The following GAPVD1 variants were observed in gnomAD, a reference collection of about 807,000 sequenced individuals.
GAPVD1 encodes GTPase-activating protein and VPS9 domain-containing protein 1.
GAPVD1 carries 35 observed loss-of-function variants against 155.5 expected under a neutral mutation model. The observed-to-expected ratio is 0.23, with a 90% CI of 0.17 to 0.30. The LOEUF (loss-of-function observed/expected upper bound fraction) is 0.30. Ranked by LOEUF, GAPVD1 falls within the 10% of genes least tolerant of loss-of-function variation. GAPVD1 has a pLI of 1.00. For synonymous variants in GAPVD1, 636 were observed against 619.7 expected, an observed-to-expected ratio of 1.03 and a Z score of -0.39; for missense variants, 1,429 against 1,775.7, an observed-to-expected ratio of 0.80 and a Z score of 3.51.
At chr9:125,339,417 T>G (rs1490782772) in intron 17 of GAPVD1, among the ~76,000 whole-genome samples, 1 of 152,238 alleles carries the variant, frequency 6.6e-6, no homozygotes, top group Non-Finnish European at 1.5e-5. Flanking sequence ...GCTACTATTC[T>G]TTGAGCATAT....
In GAPVD1 at chr9:125,365,308, G is replaced by T. The variant is rs898522751; in HGVS notation, c.*2562G>T. The T allele has an allele frequency of 5.6e-5, 8 of 143,364 alleles. No individual in the cohort carries two copies. The South Asian group carries it at 1.8e-3, about 32-fold the overall frequency. The allele number at this position is 143,364 out of a possible 1,614,324, so 8.9% of individuals were successfully genotyped here. ...TTTCTTGACAGGTATGTGAGATGGG[G>T]AGTGATTTGATTTTTTTTTTTTTTT... On this transcript the variant is annotated 3_prime_UTR_variant, in exon 28 of 28. Coordinates refer to ENST00000297933, the MANE Select transcript of GAPVD1 (RefSeq NM_001282680.3).
At chr9:125,314,608 C>T (rs970374744) in intron 9 of GAPVD1, among the ~76,000 whole-genome samples, 16 of 151,726 alleles carry the variant, frequency 1.1e-4, no homozygotes, top group African/African-American at 3.1e-4. Context: ...GAGCTGAGAT[C>T]GCCCCATTGC....
chr9:125,350,476 G>C, intron 22 of GAPVD1, 72 bp downstream of exon 22: 1 of 948,248 alleles, frequency 1.1e-6, no homozygotes. Flanking sequence ...CCAGTATTCA[G>C]CTGTTGAAGC....
chr9:125,332,247 A>G (rs1002396851), intron 14 of GAPVD1, among the ~76,000 whole-genome samples, 187 bp downstream of exon 14: 2 of 152,222 alleles, frequency 1.3e-5, no homozygotes, highest in Admixed American at 6.5e-5. Context: ...AGCCTGTTGA[A>G]GTAATTGGCA....
chr9:125,285,409 A>C (rs1837486166), intron 2 of GAPVD1, among the ~76,000 whole-genome samples: 1 of 151,660 alleles, frequency 6.6e-6, no homozygotes, highest in South Asian at 2.1e-4. Context: ...AACTTCTCAA[A>C]ATCTGATTAA....
intron 18 of GAPVD1, chr9:125,341,703 T>G (rs909203265): frequency 7.6e-5 from 12 of 156,936 alleles, no homozygotes; most frequent in African/African-American, 2.9e-4. Flanking sequence ...CAGTGAGTGT[T>G]TATTTTGGAA....
intron 20 of GAPVD1, among the ~76,000 whole-genome samples, chr9:125,348,278 C>T (rs867482598): frequency 2.0e-5 from 3 of 151,734 alleles, no homozygotes; most frequent in Non-Finnish European, 2.9e-5. Flanking sequence ...GCTGGTCTCT[C>T]CCTATATTTT....
intron 15 of GAPVD1, among the ~76,000 whole-genome samples, chr9:125,334,001 G>A (rs974433071): frequency 1.3e-5 from 2 of 152,104 alleles, no homozygotes; most frequent in African/African-American, 4.8e-5. Flanking sequence ...ATTGCCAAAT[G>A]CTCTCTTGGG....
intron 15 of GAPVD1, 121 bp from the exon 16 acceptor site, chr9:125,336,897 C>A: frequency 5.0e-6 from 3 of 597,128 alleles, no homozygotes; most frequent in African/African-American, 1.9e-5. Flanking sequence ...TTCTGGTATG[C>A]CTCTCAAGTT....
intron 1 of GAPVD1, among the ~76,000 whole-genome samples, chr9:125,266,922 G>C (rs1361617348): frequency 6.6e-6 from 1 of 151,578 alleles, no homozygotes; most frequent in Non-Finnish European, 1.5e-5. Context: ...CACCACACCT[G>C]GCTAATTTTT....
chr9:125,281,205 GT>G (rs1836737081), intron 2 of GAPVD1, among the ~76,000 whole-genome samples: 1 of 152,126 alleles, frequency 6.6e-6, no homozygotes, highest in Non-Finnish European at 1.5e-5. Flanking sequence ...TAATTACAGT[GT>G]TCGAATACTG....
chr9:125,282,250 G>C (rs756993061), intron 2 of GAPVD1, among the ~76,000 whole-genome samples: 15 of 152,176 alleles, frequency 9.9e-5, no homozygotes, highest in Non-Finnish European at 2.2e-4. Flanking sequence ...CTGCACTCCA[G>C]CCTGGCAACA....
intron 9 of GAPVD1, among the ~76,000 whole-genome samples, chr9:125,318,020 A>T (rs1166974925): frequency 6.6e-6 from 1 of 152,160 alleles, no homozygotes. Flanking sequence ...ATAAATAGTC[A>T]TTAAGAAGAT....
At chr9:125,274,438 C>T (rs1835426665) in intron 2 of GAPVD1, among the ~76,000 whole-genome samples, 1 of 150,598 alleles carries the variant, frequency 6.6e-6, no homozygotes, top group African/African-American at 2.4e-5. Context: ...TTATAGTTAA[C>T]ATTATATATA....
At chr9:125,275,226 C>T (rs1319548962) in intron 2 of GAPVD1, among the ~76,000 whole-genome samples, 1 of 152,088 alleles carries the variant, frequency 6.6e-6, no homozygotes, top group African/African-American at 2.4e-5. Context: ...CAGGCGCCTG[C>T]CACCATGCCC....
chr9:125,332,766 TA>T (rs1166058478), intron 15 of GAPVD1, 137 bp downstream of exon 15: 5 of 661,060 alleles, frequency 7.6e-6, no homozygotes. Context: ...TTTAAGGTCT[TA>T]AATGTTCACA....
intron 4 of GAPVD1, among the ~76,000 whole-genome samples, chr9:125,301,333 G>A (rs1201642880): frequency 6.6e-6 from 1 of 152,122 alleles, no homozygotes; most frequent in Non-Finnish European, 1.5e-5. Context: ...GCCTCCCAAA[G>A]TCTGGGATTA....
intron 3 of GAPVD1, among the ~76,000 whole-genome samples, chr9:125,296,385 T>C (rs1037048852): frequency 2.7e-5 from 4 of 150,196 alleles, no homozygotes; most frequent in African/African-American, 9.8e-5. Flanking sequence ...AGATGGAGTC[T>C]TACTCTGTCA....
rs982789760 is a variant in GAPVD1 at position 125,337,318 on chromosome 9, G to C, written c.2604G>C (p.Glu868Asp). Residue 868 changes from glutamate to aspartate, a missense_variant, in exon 17 of 28, where the codon GAG becomes GAC. Physicochemically the swap from Glu to Asp is conservative, Grantham distance 45 (BLOSUM62 2). This residue lies in a region of GAPVD1 where 699 missense variants were observed against 826.0 expected (regional missense o/e 0.85). Coordinates refer to ENST00000297933, the MANE Select transcript of GAPVD1 (RefSeq NM_001282680.3). ...PILEGAVGGN[E>D]ARLPNFGSHV... ...TGGAAGGAGCTGTGGGAGGAAATGA[G>C]GCCAGGTTGCCAAACTTTGGTTCCC... 1 of 1,614,080 alleles carries C rather than the reference G, an allele frequency of 6.2e-7. No individual in the cohort carries two copies. The highest frequency in any genetic ancestry group is 1.3e-5 in the African/African-American group (1 of 74,924).
Sources: gnomAD v4.1 joint callset for allele counts (sites outside exome capture counted in the v4.1 genomes callset) on GRCh38, gnomAD v4.1.1 for gene constraint, gnomAD v4.1.1 regional missense constraint, MANE v1.5 for transcripts, NCBI Gene and HGNC (gene_info 2026-07-23, HGNC 2026-07-21) for gene names.